Variants in FHOD3 observed in about 807,000 individuals in gnomAD.
FHOD3 encodes FH1/FH2 domain-containing protein 3.
A neutral mutation model predicts 173.0 loss-of-function variants in FHOD3; 90 were observed. The observed-to-expected ratio is 0.52, with a 90% CI of 0.44 to 0.62. The LOEUF is 0.62. FHOD3 is among the 20% of genes least tolerant of loss of function. The probability of loss-of-function intolerance (pLI) is 0.00; values close to 1 mark genes in which losing one functional copy is unlikely to be tolerated. For synonymous variants in FHOD3, 828 were observed against 823.0 expected (o/e 1.01, Z -0.10); for missense variants, 1,945 against 2,034.7 (o/e 0.96, Z 0.85).
At chr18:36,506,434 A>C (rs765526257) in intron 4 of FHOD3, among the ~76,000 whole-genome samples, 2 of 152,232 alleles carry the variant, frequency 1.3e-5, no homozygotes, top group Non-Finnish European at 2.9e-5. Context: ...TTTAGTGATG[A>C]TGGTGAACAA....
intron 1 of FHOD3, among the ~76,000 whole-genome samples, chr18:36,300,742 T>C (rs1220601741): frequency 6.6e-6 from 1 of 151,058 alleles, no homozygotes; most frequent in Non-Finnish European, 1.5e-5. Context: ...TTTTTTTTTT[T>C]CTCTTTCTTT....
intron 1 of FHOD3, among the ~76,000 whole-genome samples, chr18:36,324,783 A>T (rs1180411232): frequency 1.3e-5 from 2 of 152,244 alleles, no homozygotes; most frequent in African/African-American, 4.8e-5. Flanking sequence ...TTAGGCAGTT[A>T]TGAAGCTGAA....
chr18:36,742,986 C>A (rs2150065880), intron 22 of FHOD3, 130 bp downstream of exon 22: 3 of 1,327,950 alleles, frequency 2.3e-6, no homozygotes, highest in Non-Finnish European at 3.1e-6. Context: ...TGTCTTCTTG[C>A]TGAAAATCTA....
chr18:36,612,150 C>T, intron 9 of FHOD3, 55 bp downstream of exon 9: 1 of 1,573,452 alleles, frequency 6.4e-7, no homozygotes, highest in Non-Finnish European at 8.6e-7. Context: ...TTGTCAAAGG[C>T]TGAGATGGCG....
intron 20 of FHOD3, among the ~76,000 whole-genome samples, chr18:36,734,063 A>G (rs913647632): frequency 6.6e-6 from 1 of 152,164 alleles, no homozygotes; most frequent in East Asian, 1.9e-4. Context: ...GCAGCAGCGC[A>G]GCCCTCTTCA....
At chr18:36,411,382 G>A (rs1480531773) in intron 3 of FHOD3, among the ~76,000 whole-genome samples, 1 of 152,052 alleles carries the variant, frequency 6.6e-6, no homozygotes, top group East Asian at 1.9e-4. Context: ...TTCCTCAAAG[G>A]GTATCATTTG....
chr18:36,574,401 C>G (rs1003390498), intron 5 of FHOD3, among the ~76,000 whole-genome samples: 6 of 152,070 alleles, frequency 3.9e-5, no homozygotes, highest in Non-Finnish European at 8.8e-5. Context: ...AGTTTGTTGT[C>G]TCTCATATAA....
At chr18:36,554,183 C>T (rs1001744561) in intron 5 of FHOD3, among the ~76,000 whole-genome samples, 1 of 152,114 alleles carries the variant, frequency 6.6e-6, no homozygotes, top group Non-Finnish European at 1.5e-5. Flanking sequence ...AAGACACATG[C>T]ACATGTATGT....
At chr18:36,748,370 A>G (rs1600539893) in intron 24 of FHOD3, among the ~76,000 whole-genome samples, 1 of 132,558 alleles carries the variant, frequency 7.5e-6, no homozygotes, top group Admixed American at 7.9e-5. Flanking sequence ...ACGCGCACAC[A>G]CACACACACA....
chr18:36,447,817 G>T (rs1420762415), intron 3 of FHOD3, among the ~76,000 whole-genome samples: 1 of 152,166 alleles, frequency 6.6e-6, no homozygotes, highest in Non-Finnish European at 1.5e-5. Context: ...ACCTGGAAAA[G>T]GGCTGTTAAG....
intron 3 of FHOD3, among the ~76,000 whole-genome samples, chr18:36,394,904 A>T (rs2048476935): frequency 6.6e-6 from 1 of 152,238 alleles, no homozygotes; most frequent in Non-Finnish European, 1.5e-5. Context: ...TTTACCTAGG[A>T]TAAAGTAGCT....
At chr18:36,441,768 G>A (rs1036008385) in intron 3 of FHOD3, among the ~76,000 whole-genome samples, 5 of 152,196 alleles carry the variant, frequency 3.3e-5, no homozygotes, top group African/African-American at 9.6e-5. Flanking sequence ...CATTTTAGAC[G>A]CAGTGCCTGC....
At chr18:36,717,584 G>A (rs985965196) in intron 18 of FHOD3, among the ~76,000 whole-genome samples, 4 of 152,142 alleles carry the variant, frequency 2.6e-5, no homozygotes, top group African/African-American at 4.8e-5. Flanking sequence ...TTTCTCCCAT[G>A]AGCCCAGGTA....
intron 3 of FHOD3, among the ~76,000 whole-genome samples, chr18:36,487,423 C>T (rs764096007): frequency 3.3e-5 from 5 of 152,216 alleles, no homozygotes; most frequent in Non-Finnish European, 7.3e-5. Flanking sequence ...GAGCTGTGGT[C>T]ACCCTGCTGG....
At chr18:36,336,217 G>GA (rs1404684397) in intron 1 of FHOD3, among the ~76,000 whole-genome samples, 1 of 152,162 alleles carries the variant, frequency 6.6e-6, no homozygotes, top group Non-Finnish European at 1.5e-5. Context: ...TTGTTTTCCA[G>GA]AAAATCTCAA....
rs1457431627 is a variant in FHOD3 at position 36,779,590 on chromosome 18, C to A, written c.*60C>A. 2.7e-6 allele frequency: 4 copies of A among 1,488,954 alleles called. No homozygotes were observed. The highest frequency in any genetic ancestry group is 3.7e-6 in the Non-Finnish European group (4 of 1,067,694). 92.2% of individuals were successfully genotyped at this position (1,488,954 alleles called of 1,614,324 possible). On this transcript the variant is annotated 3_prime_UTR_variant, in exon 29 of 29. Coordinates refer to ENST00000590592, the MANE Select transcript of FHOD3 (RefSeq NM_001281740.3). The stretch of plus-strand genomic sequence containing the variant: ...GAAGGCAAGCTCTTGCTGGATGAAA[C>A]CCCTCCAGGTGGGGTTGGGGAGACT...
chr18:36,527,154 A>G (rs2056558820), intron 5 of FHOD3, among the ~76,000 whole-genome samples: 1 of 152,150 alleles, frequency 6.6e-6, no homozygotes. Flanking sequence ...AGGCTCATCC[A>G]TCAGGAGCCC....
At chr18:36,333,632 T>C (rs1407400678) in intron 1 of FHOD3, among the ~76,000 whole-genome samples, 2 of 152,208 alleles carry the variant, frequency 1.3e-5, no homozygotes, top group Non-Finnish European at 2.9e-5. Context: ...CATCTGTCTT[T>C]GTTTAACCAC....
intron 5 of FHOD3, among the ~76,000 whole-genome samples, chr18:36,542,016 C>A (rs970948991): frequency 1.3e-5 from 2 of 152,212 alleles, no homozygotes; most frequent in Admixed American, 6.5e-5. Context: ...CTTGCCAGTC[C>A]AGTCTTCACC....
Sources: allele counts gnomAD v4.1 joint callset (sites outside exome capture counted in the v4.1 genomes callset), GRCh38; gene constraint gnomAD v4.1.1; transcripts MANE v1.5; gene names NCBI Gene and HGNC (gene_info 2026-07-23, HGNC 2026-07-21).